INTS4: variants seen among roughly 807,000 people sequenced by gnomAD.
INTS4 encodes the protein MSTP093.
Under a neutral mutation model 119.5 loss-of-function variants are expected in INTS4, and 70 were observed. The observed-to-expected ratio is 0.59, with a 90% CI of 0.48 to 0.71. INTS4 has a LOEUF of 0.71. INTS4 is among the 30% of genes least tolerant of loss of function. The pLI, the probability that INTS4 is intolerant of heterozygous loss-of-function variation, is 0.00. For synonymous variants in INTS4, 316 were observed against 419.6 expected (o/e 0.75, Z 3.02); for missense variants, 867 against 1,173.2 (o/e 0.74, Z 3.81).
At chr11:77,907,885 A>G in intron 15 of INTS4, 75 bp from the exon 16 acceptor site, 2 of 848,064 alleles carry the variant, frequency 2.4e-6, no homozygotes, top group South Asian at 3.0e-5. Flanking sequence ...TGTCAAAAGC[A>G]TTTTATCATT....
At chr11:77,911,109 G>A (rs1164708589) in intron 15 of INTS4, 4 of 1,274,822 alleles carry the variant, frequency 3.1e-6, no homozygotes, top group Non-Finnish European at 1.0e-6. Context: ...CGTTACGATA[G>A]TTAACGATGC....
Position 77,918,825 on chromosome 11 carries a change from T to C in INTS4, c.1918A>G (p.Ile640Val), listed in dbSNP as rs778941867. 3.1e-6 allele frequency: 5 copies of C among 1,613,006 alleles called. No individual in the cohort carries two copies. Among genetic ancestry groups the C allele is most frequent in the Non-Finnish European group, 4.2e-6 (5 of 1,179,714 alleles). Reference protein sequence around the residue: ...QGAQELLEFTIRDLQRLGELQ... With the variant: ...QGAQELLEFTVRDLQRLGELQ... Reference sequence around the variant, plus strand: ...ATGAAGGGATGATTACCCTACCTGATGGTGAATTCCAGCAGCTCCTGGGCT... The same window carrying C: ...ATGAAGGGATGATTACCCTACCTGACGGTGAATTCCAGCAGCTCCTGGGCT... The change falls in exon 15 of 23, where the codon ATC (isoleucine) becomes GTC (valine). Residue 640 changes from isoleucine to valine, a missense_variant. Coordinates refer to ENST00000534064, the MANE Select transcript of INTS4 (RefSeq NM_033547.4).
intron 22 of INTS4, 66 bp from the exon 23 acceptor site, chr11:77,879,193 A>C (rs1367665971): frequency 6.4e-7 from 1 of 1,554,704 alleles, no homozygotes. Context: ...TGAAATGTGA[A>C]GTTAAAGAAA....
intron 4 of INTS4, among the ~76,000 whole-genome samples, chr11:77,963,213 T>G (rs762603758): frequency 6.6e-6 from 1 of 152,048 alleles, no homozygotes; most frequent in African/African-American, 2.4e-5. Flanking sequence ...CACTGAATCT[T>G]AGCCCAAAAG....
chr11:77,885,411 T>C (rs1362481863), intron 21 of INTS4, among the ~76,000 whole-genome samples: 1 of 151,856 alleles, frequency 6.6e-6, no homozygotes, highest in Non-Finnish European at 1.5e-5. Flanking sequence ...CTCCCCACTC[T>C]AGTTCTAGGC....
chr11:77,988,581 T>G (rs1018419442), intron 2 of INTS4, among the ~76,000 whole-genome samples: 3 of 151,832 alleles, frequency 2.0e-5, no homozygotes, highest in African/African-American at 7.3e-5. Context: ...AAGTGCGGGG[T>G]GGGGATAGGC....
At chr11:77,964,869 C>T (rs1423584889) in intron 4 of INTS4, among the ~76,000 whole-genome samples, 1 of 152,034 alleles carries the variant, frequency 6.6e-6, no homozygotes, top group Non-Finnish European at 1.5e-5. Context: ...AGCATATTTA[C>T]ATAATCTCAA....
chr11:77,942,978 A>T (rs1953963715), intron 8 of INTS4, among the ~76,000 whole-genome samples: 1 of 152,192 alleles, frequency 6.6e-6, no homozygotes, highest in East Asian at 1.9e-4. Context: ...CATAGATCTG[A>T]GCCTATGTCA....
chr11:77,892,201 G>A lies in INTS4; in HGVS notation c.2289-361C>T, dbSNP rs549811100. On this transcript the variant is annotated intron_variant, in intron 19 of 22. Coordinates refer to ENST00000534064, the MANE Select transcript of INTS4 (RefSeq NM_033547.4). The stretch of plus-strand genomic sequence containing the variant: ...TACGAAGCGCCAAGCACTATTTTAG[G>A]TTCTGGAAACACAGTGAACGGAAGA... 2.6e-5 allele frequency among the ~76,000 whole-genome samples: 4 copies of A among 152,188 alleles called. No homozygotes were observed. The East Asian group carries it at 7.7e-4, about 29-fold the overall frequency.
intron 4 of INTS4, among the ~76,000 whole-genome samples, chr11:77,975,066 T>C (rs1052803200): frequency 6.6e-6 from 1 of 152,212 alleles, no homozygotes; most frequent in Non-Finnish European, 1.5e-5. Flanking sequence ...TGATTATCTG[T>C]TGTTTTTCTA....
rs186898886 is a variant in INTS4 at position 77,891,782 on chromosome 11, G to A, written c.2347C>T (p.Leu783Phe). 1.9e-6 allele frequency: 3 copies of A among 1,611,856 alleles called. No individual in the cohort carries two copies. The highest frequency in any genetic ancestry group is 8.5e-7 in the Non-Finnish European group (1 of 1,179,838). ...TTGGATGTCATGAGTCGGGGCATAAGGTCAAGGAGTTTGTCCACAAAGCTG... is the reference window on the plus strand; with the variant it reads ...TTGGATGTCATGAGTCGGGGCATAAAGTCAAGGAGTTTGTCCACAAAGCTG... ...QDSFVDKLLD[L>F]MPRLMTSKPA... The change falls in exon 20 of 23, where the codon CTT becomes TTT. Residue 783 changes from leucine to phenylalanine, a missense_variant. By Grantham distance (22) the Leu-to-Phe change is conservative (BLOSUM62 0). Around this residue, in one of 5 missense-constraint regions of INTS4, gnomAD observed 262 missense variants for 376.0 expected, o/e 0.70. Coordinates refer to ENST00000534064, the MANE Select transcript of INTS4 (RefSeq NM_033547.4).
intron 15 of INTS4, chr11:77,918,154 G>A (rs929837408): frequency 3.3e-5 from 23 of 700,148 alleles, no homozygotes; most frequent in African/African-American, 3.2e-4. Flanking sequence ...AGCCTAGGCC[G>A]GGCACAGTGG....
At chr11:77,976,723 A>G (rs1464074079) in intron 4 of INTS4, among the ~76,000 whole-genome samples, 3 of 152,246 alleles carry the variant, frequency 2.0e-5, no homozygotes, top group African/African-American at 7.2e-5. Flanking sequence ...TGGCACATAT[A>G]CACCATGGAA....
At chr11:77,970,399 G>GA (rs960819262) in intron 4 of INTS4, among the ~76,000 whole-genome samples, 6 of 149,316 alleles carry the variant, frequency 4.0e-5, no homozygotes, top group Non-Finnish European at 8.9e-5. Context: ...TCCATCTGGG[G>GA]AAAAAAAAAA....
At chr11:77,943,367 T>C (rs759171771) in intron 8 of INTS4, among the ~76,000 whole-genome samples, 2 of 152,186 alleles carry the variant, frequency 1.3e-5, no homozygotes, top group Non-Finnish European at 2.9e-5. Context: ...GTGAGATGTC[T>C]ATTACTGCAG....
chr11:77,960,437 A>C (rs753391716), intron 5 of INTS4, 46 bp from the exon 6 acceptor site: 70 of 1,314,146 alleles, frequency 5.3e-5, no homozygotes, highest in Non-Finnish European at 7.0e-5. Flanking sequence ...GAAAAGAGCA[A>C]TATTTCCAAT....
intron 4 of INTS4, among the ~76,000 whole-genome samples, chr11:77,968,617 AAT>A (rs1383775551): frequency 1.3e-5 from 2 of 152,214 alleles, no homozygotes; most frequent in Non-Finnish European, 2.9e-5. Context: ...GCCACTAAAC[AAT>A]ATGTTTTAAA....
downstream of INTS4, chr11:77,878,582 C>CTA: frequency 1.8e-6 from 1 of 549,860 alleles, no homozygotes; most frequent in Non-Finnish European, 3.2e-6. Flanking sequence ...AGAAATAAGA[C>CTA]TATAGCTCAA....
intron 15 of INTS4, among the ~76,000 whole-genome samples, chr11:77,915,482 G>A (rs980583222): frequency 6.6e-6 from 1 of 152,118 alleles, no homozygotes; most frequent in African/African-American, 2.4e-5. Context: ...GCTCTCCTGT[G>A]GCTGCAGCTG....
Sources: allele counts gnomAD v4.1 joint callset (sites outside exome capture counted in the v4.1 genomes callset), GRCh38; gene constraint gnomAD v4.1.1; regional missense constraint gnomAD v4.1.1; transcripts MANE v1.5; gene names NCBI Gene and HGNC (gene_info 2026-07-23, HGNC 2026-07-21).